The following DNAH5 variants were observed in gnomAD, a reference collection of about 807,000 sequenced individuals.
DNAH5 encodes dynein axonemal heavy chain 5.
In DNAH5, 372 loss-of-function variants were observed where a neutral mutation model predicts 518.2. That is an observed-to-expected ratio of 0.72 (90% CI 0.66 to 0.78). The LOEUF is 0.78. DNAH5 is among the 30% of genes least tolerant of loss of function. DNAH5 has a pLI of 0.00. For missense variants in DNAH5, 5,523 were observed against 5,687.0 expected, an observed-to-expected ratio of 0.97 and a Z score of 0.93; for synonymous variants, 2,039 against 2,025.9, an observed-to-expected ratio of 1.01 and a Z score of -0.17.
intron 45 of DNAH5, among the ~76,000 whole-genome samples, chr5:13,809,638 T>A (rs1408687892): frequency 6.6e-6 from 1 of 152,172 alleles, no homozygotes; most frequent in Non-Finnish European, 1.5e-5. Context: ...TAAATGTACT[T>A]TATATATTTA....
chr5:13,998,382 T>C (rs1005596513), intron 1 of DNAH5, among the ~76,000 whole-genome samples: 5 of 152,220 alleles, frequency 3.3e-5, no homozygotes, highest in Admixed American at 6.5e-5. Flanking sequence ...CTTAATACTA[T>C]TGCAGTGAGG....
intron 53 of DNAH5, among the ~76,000 whole-genome samples, chr5:13,779,132 TA>T (rs1561236498): frequency 6.6e-6 from 1 of 152,204 alleles, no homozygotes; most frequent in African/African-American, 2.4e-5. Flanking sequence ...CTCATGCATG[TA>T]AAAGTGCTTT....
intron 1 of DNAH5, among the ~76,000 whole-genome samples, chr5:13,941,506 A>G (rs11133771): frequency 0.27 from 40,613 of 152,174 alleles, 6,034 homozygotes; most frequent in East Asian, 0.67. Context: ...GGGCCTGATT[A>G]ACAGCACACT....
intron 1 of DNAH5, among the ~76,000 whole-genome samples, chr5:13,998,472 C>T (rs752125474): frequency 6.6e-6 from 1 of 152,222 alleles, no homozygotes; most frequent in Non-Finnish European, 1.5e-5. Flanking sequence ...TACAAAAACA[C>T]ATGCGCATTG....
upstream of DNAH5, among the ~76,000 whole-genome samples, chr5:13,949,495 AT>A (rs370551172): frequency 2.1e-4 from 32 of 152,326 alleles, no homozygotes; most frequent in East Asian, 4.8e-3. Flanking sequence ...ATGGATTGAA[AT>A]TATACAGGGT....
In DNAH5 at chr5:13,714,598, G is replaced by A. The variant is rs1200035665; in HGVS notation, c.12932C>T (p.Pro4311Leu). 5 of 1,614,076 alleles carry A rather than the reference G, an allele frequency of 3.1e-6. No individual in the cohort carries two copies. The South Asian group carries it at 5.5e-5, about 18-fold the overall frequency. Residue 4311 changes from proline to leucine, a missense_variant, in exon 75 of 79, where the codon CCT becomes CTT. Pro to Leu is a moderately conservative substitution (Grantham distance 98, BLOSUM62 -3). This residue lies in a region of DNAH5 where 387 missense variants were observed against 430.0 expected (regional missense o/e 0.90). Transcript: ENST00000265104. ...YIQSLPAYDS[P>L]EVFGLHPNAD... ...ATTGGGGTGCAGCCCAAACACCTCAGGGCTGTCATAGGCAGGCAAACTCTG... is the reference window on the plus strand; with the variant it reads ...ATTGGGGTGCAGCCCAAACACCTCAAGGCTGTCATAGGCAGGCAAACTCTG...
chr5:13,743,983 A>G (rs1220929097), intron 65 of DNAH5, among the ~76,000 whole-genome samples: 1 of 152,080 alleles, frequency 6.6e-6, no homozygotes, highest in Non-Finnish European at 1.5e-5. Flanking sequence ...ACCACTGGGC[A>G]TTTATTCAAA....
intron 1 of DNAH5, among the ~76,000 whole-genome samples, chr5:13,955,300 C>T (rs1780686656): frequency 6.6e-6 from 1 of 152,156 alleles, no homozygotes; most frequent in Admixed American, 6.6e-5. Context: ...GCCTCCCCAA[C>T]CGTGCTTCCT....
intron 53 of DNAH5, among the ~76,000 whole-genome samples, chr5:13,778,574 G>A (rs983160966): frequency 2.7e-5 from 2 of 73,072 alleles, no homozygotes; most frequent in African/African-American, 1.1e-4. Flanking sequence ...AAGAAAGAAA[G>A]AAAGAAAGAA....
chr5:13,794,242 A>G (rs1285214725), intron 47 of DNAH5, among the ~76,000 whole-genome samples, 184 bp from the exon 48 acceptor site: 1 of 152,262 alleles, frequency 6.6e-6, no homozygotes, highest in Admixed American at 6.5e-5. Context: ...ACATTCACAA[A>G]ATTTGAAAAT....
intron 1 of DNAH5, among the ~76,000 whole-genome samples, chr5:13,963,135 A>AGCCATATT (rs909720275): frequency 1.5e-4 from 23 of 152,240 alleles, no homozygotes; most frequent in African/African-American, 4.6e-4. Flanking sequence ...AATCATAAAA[A>AGCCATATT]GCCATATTTG....
intron 60 of DNAH5, 46 bp from the exon 61 acceptor site, chr5:13,759,029 A>C (rs1285744939): frequency 6.2e-7 from 1 of 1,612,406 alleles, no homozygotes; most frequent in Non-Finnish European, 8.5e-7. Context: ...GCCAACCTCA[A>C]AACATCCTGC....
intron 46 of DNAH5, among the ~76,000 whole-genome samples, chr5:13,807,944 T>C (rs1316383555): frequency 6.6e-6 from 1 of 151,872 alleles, no homozygotes; most frequent in East Asian, 1.9e-4. Flanking sequence ...AAGAAGAAAT[T>C]TGTGGCCAGG....
intron 25 of DNAH5, among the ~76,000 whole-genome samples, chr5:13,867,175 T>G (rs981414139): frequency 2.6e-5 from 4 of 152,202 alleles, no homozygotes; most frequent in Admixed American, 2.6e-4. Flanking sequence ...CCTTTTAAAT[T>G]TATCATTTTC....
rs184570139 is a variant in DNAH5, at chr5:13,712,752, C to T, written c.13125+1653G>A. Among the ~76,000 whole-genome samples the T allele has an allele frequency of 6.6e-5, 10 of 152,136 alleles. No homozygotes were observed. In the East Asian group the frequency reaches 1.7e-3, roughly 26 times the overall value. On this transcript the variant is annotated intron_variant, in intron 75 of 78. Coordinates refer to ENST00000265104, the MANE Select transcript of DNAH5 (RefSeq NM_001369.3). Reference sequence around the variant, plus strand: ...AACATCACTAATGATCAGGGAAATGCAAATCAAAACCACAACGCGACAACA... The same window carrying T: ...AACATCACTAATGATCAGGGAAATGTAAATCAAAACCACAACGCGACAACA...
rs12654693 is a variant in DNAH5 at position 13,914,251 on chromosome 5, A to T, written c.1320+269T>A. Among the ~76,000 whole-genome samples, 66,491 of 151,856 alleles carry T rather than the reference A, an allele frequency of 0.44. 15,362 individuals are homozygous for T. Among genetic ancestry groups the T allele is most frequent in the East Asian group, 0.85 (4,403 of 5,166 alleles). On this transcript the variant is annotated intron_variant, in intron 10 of 78. Transcript: ENST00000265104. Reference sequence around the variant, plus strand: ...CTATGACTCTCTCTCCATTCATCTTAAAGATGCTTAAGGAAAACTACCTCA... The same window carrying T: ...CTATGACTCTCTCTCCATTCATCTTTAAGATGCTTAAGGAAAACTACCTCA...
upstream of DNAH5, among the ~76,000 whole-genome samples, chr5:13,945,126 A>C (rs971724393): frequency 3.9e-5 from 6 of 152,240 alleles, no homozygotes; most frequent in South Asian, 1.0e-3. Context: ...ACTTGTGCTC[A>C]CACAGTTGCA....
chr5:13,894,070 C>T (rs886398707), intron 16 of DNAH5, among the ~76,000 whole-genome samples: 5 of 144,216 alleles, frequency 3.5e-5, no homozygotes, highest in African/African-American at 1.3e-4. Context: ...CCTACTGGGA[C>T]ACTGGCATGT....
At position 13,754,249 on chromosome 5, in the gene DNAH5, C is replaced by A; in HGVS notation, c.10509G>T (p.Trp3503Cys). The stretch of plus-strand genomic sequence containing the variant: ...CAGCAAACTCTTGGCTTTGCTCTGT[C>A]CATCTTTCTTTTTCACCTGCCAAGC... Reference protein sequence around the residue: ...ISGLAGEKERWTEQSQEFAAQ... With the variant: ...ISGLAGEKERCTEQSQEFAAQ... The change falls in exon 62 of 79, where the codon TGG becomes TGT. Residue 3503 changes from tryptophan (W) to cysteine (C), a missense_variant. Trp to Cys is a radical substitution (Grantham distance 215, BLOSUM62 -2). Coordinates refer to ENST00000265104, the MANE Select transcript of DNAH5 (RefSeq NM_001369.3). 1 of 1,614,070 alleles carries A rather than the reference C, an allele frequency of 6.2e-7. No homozygotes were observed. The highest frequency in any genetic ancestry group is 2.2e-5 in the East Asian group (1 of 44,880).
Sources: allele counts gnomAD v4.1 joint callset (sites outside exome capture counted in the v4.1 genomes callset), GRCh38; gene constraint gnomAD v4.1.1; regional missense constraint gnomAD v4.1.1; transcripts MANE v1.5; gene names NCBI Gene and HGNC (gene_info 2026-07-23, HGNC 2026-07-21).